The following KTN1 variants were observed in gnomAD, a reference collection of about 807,000 sequenced individuals.
KTN1 encodes kinectin.
In KTN1, 130 loss-of-function variants were observed where a neutral mutation model predicts 222.5. That is an observed-to-expected ratio of 0.58 (90% CI 0.51 to 0.68). The LOEUF is 0.68. Among genes scored for constraint, KTN1 ranks in the 30% least tolerant of loss-of-function variants. KTN1 has a pLI of 0.00. For synonymous variants in KTN1, 512 were observed against 496.3 expected (o/e 1.03, Z -0.42); for missense variants, 1,508 against 1,500.4 (o/e 1.01, Z -0.08).
In KTN1 at chr14:55,671,619, A is replaced by G; in HGVS notation, c.3402A>G (p.Leu1134=). Residue 1134 remains leucine (L), a synonymous_variant, in exon 36 of 44, where the codon CTA becomes CTG. Transcript: ENST00000395314. ...EADEMHTLLQ[L]ECEKYKSVLA... is the part of the protein sequence containing the mutation. Reference sequence around the variant, plus strand: ...ATGAAATGCACACATTGTTACAGCTAGAGTGTGAAAAATACAAATCCGTCC... The same window carrying G: ...ATGAAATGCACACATTGTTACAGCTGGAGTGTGAAAAATACAAATCCGTCC... The G allele has an allele frequency of 6.2e-7, 1 of 1,613,106 alleles. No homozygotes were observed. The highest frequency in any genetic ancestry group is 8.5e-7 in the Non-Finnish European group (1 of 1,179,524).
rs776448474 is a variant in KTN1, at chr14:55,641,211, G to A, written c.2103+3G>A. 2 of 1,557,676 alleles carry A rather than the reference G, an allele frequency of 1.3e-6. No individual in the cohort carries two copies. The highest frequency in any genetic ancestry group is 1.9e-5 in the Admixed American group (1 of 53,372). ...CAAACAAAATGGAAGAATTTAAGGT[G>A]TGTGATTAAGCTTGTACACTCAGGT... On this transcript the variant is annotated splice_donor_region_variant and intron_variant, in intron 17 of 43. Coordinates refer to ENST00000395314, the MANE Select transcript of KTN1 (RefSeq NM_001079521.2).
At chr14:55,598,211 G>C (rs961522876) in intron 1 of KTN1, among the ~76,000 whole-genome samples, 1 of 152,158 alleles carries the variant, frequency 6.6e-6, no homozygotes, top group Non-Finnish European at 1.5e-5. Flanking sequence ...CGAAGCGGGC[G>C]GATCACGAGG....
chr14:55,617,135 T>G lies in KTN1; in HGVS notation c.661+481T>G, dbSNP rs183956131. ...TTGTTCACAGTTTTCCAGGGAAAGC[T>G]TGGCTGTGAAATTTGTGAAGACTAA... On this transcript the variant is annotated intron_variant, in intron 3 of 43. Transcript: ENST00000395314. 3.0e-3 allele frequency among the ~76,000 whole-genome samples: 462 copies of G among 152,320 alleles called. 2 individuals are homozygous for G. Among genetic ancestry groups the G allele is most frequent in the Middle Eastern group, 0.017 (5 of 292 alleles).
intron 38 of KTN1, 24 bp downstream of exon 38, chr14:55,672,725 T>C (rs2045556524): frequency 6.9e-7 from 1 of 1,458,750 alleles, no homozygotes; most frequent in Non-Finnish European, 9.6e-7. Context: ...TTGTTTTACT[T>C]GTAACCTATG....
chr14:55,672,817 G>A (rs1566848179), intron 38 of KTN1, 112 bp from the exon 39 acceptor site: 1 of 1,048,226 alleles, frequency 9.5e-7, no homozygotes, highest in Non-Finnish European at 1.5e-6. Context: ...ATCTTGGGTA[G>A]TGTTTGAGTT....
chr14:55,593,446 C>CAA (rs1555357161), intron 1 of KTN1, among the ~76,000 whole-genome samples: 46 of 120,554 alleles, frequency 3.8e-4, no homozygotes, highest in African/African-American at 5.1e-4. Flanking sequence ...ACCCCCCCCC[C>CAA]AAAAAAAAAA....
At chr14:55,640,800 A>G (rs749811670) in intron 15 of KTN1, 133 bp from the exon 16 acceptor site, 8 of 704,828 alleles carry the variant, frequency 1.1e-5, no homozygotes, top group Non-Finnish European at 1.9e-5. Flanking sequence ...AAAACATGTT[A>G]CAGAAATATA....
chr14:55,627,566 A>G (rs1016565111), intron 5 of KTN1, among the ~76,000 whole-genome samples: 17 of 152,100 alleles, frequency 1.1e-4, no homozygotes, highest in African/African-American at 3.9e-4. Flanking sequence ...TCAACCTGTC[A>G]TCTACATTAG....
intron 43 of KTN1, chr14:55,680,571 A>G (rs528041921): frequency 5.4e-5 from 30 of 552,110 alleles, no homozygotes; most frequent in African/African-American, 2.7e-4. Flanking sequence ...CCCTTTCAGA[A>G]CCCCTGATAA....
Position 55,582,435 on chromosome 14 carries a change from C to G in KTN1, c.-31+2081C>G, listed in dbSNP as rs141533776. Among the ~76,000 whole-genome samples the G allele has an allele frequency of 2.5e-3, 376 of 152,194 alleles. 3 individuals are homozygous for G. Among genetic ancestry groups the G allele is most frequent in the African/African-American group, 8.8e-3 (364 of 41,534 alleles). ...AGACGTGAAAACCTTTTTGAGACTT[C>G]TAAAGAACCCATATTAAGATTGTCA... On this transcript the variant is annotated intron_variant, in intron 1 of 43. Coordinates refer to ENST00000395314, the MANE Select transcript of KTN1 (RefSeq NM_001079521.2).
intron 32 of KTN1, among the ~76,000 whole-genome samples, chr14:55,662,165 C>T (rs1356560793): frequency 6.6e-6 from 1 of 150,628 alleles, no homozygotes; most frequent in African/African-American, 2.5e-5. Context: ...CTCCTGGGTT[C>T]AGGCGATTCT....
At chr14:55,627,350 C>G (rs183370260) in intron 5 of KTN1, among the ~76,000 whole-genome samples, 2 of 152,026 alleles carry the variant, frequency 1.3e-5, no homozygotes, top group African/African-American at 4.8e-5. Context: ...AGTTATTTTA[C>G]TTTTTATGTA....
intron 1 of KTN1, 46 bp from the exon 2 acceptor site, chr14:55,611,973 G>C: frequency 4.5e-6 from 4 of 891,694 alleles, no homozygotes; most frequent in Non-Finnish European, 4.8e-6. Flanking sequence ...TTATGAGACT[G>C]ACAGGTTCTT....
chr14:55,618,167 T>C, intron 4 of KTN1, 33 bp downstream of exon 4: 2 of 1,503,994 alleles, frequency 1.3e-6, no homozygotes, highest in Non-Finnish European at 1.8e-6. Flanking sequence ...TTTGTTGTAC[T>C]ATAAAAACAC....
At chr14:55,657,010 C>G (rs142555932) in intron 29 of KTN1, among the ~76,000 whole-genome samples, 172 of 152,294 alleles carry the variant, frequency 1.1e-3, no homozygotes, top group African/African-American at 4.0e-3. Flanking sequence ...AACTTACTTA[C>G]AGAAGATTGA....
At chr14:55,637,995 G>T (rs2041335925) in intron 12 of KTN1, 148 bp downstream of exon 12, 2 of 578,680 alleles carry the variant, frequency 3.5e-6, no homozygotes, top group Non-Finnish European at 6.2e-6. Context: ...CTAAACACTT[G>T]CTAATTATGT....
Position 55,672,635 on chromosome 14 carries a change from G to T in KTN1, c.3537G>T (p.Gln1179His). 6.2e-7 allele frequency: 1 copy of T among 1,600,118 alleles called. No homozygotes were observed. Among genetic ancestry groups the T allele is most frequent in the Non-Finnish European group, 8.6e-7 (1 of 1,167,884 alleles). Reference sequence around the variant, plus strand: ...GTAATTGTTTCACATTTCAGATGCAGTCATCATTTACATCTTCAGAACAAG... The same window carrying T: ...GTAATTGTTTCACATTTCAGATGCATTCATCATTTACATCTTCAGAACAAG... ...DESHKTIKQMQSSFTSSEQEL... is the reference protein window; with the variant it reads ...DESHKTIKQMHSSFTSSEQEL... Residue 1179 changes from glutamine (Q) to histidine (H), a missense_variant, in exon 38 of 44, where the codon CAG becomes CAT. Transcript: ENST00000395314.
At chr14:55,678,668 A>G (rs750144852) in intron 42 of KTN1, 15 of 458,982 alleles carry the variant, frequency 3.3e-5, no homozygotes, top group Non-Finnish European at 5.2e-5. Flanking sequence ...CAATTCCTGG[A>G]CTGTGGACAG....
intron 37 of KTN1, chr14:55,672,220 C>G (rs1199953868): frequency 4.3e-6 from 1 of 234,312 alleles, no homozygotes; most frequent in East Asian, 9.9e-5. Context: ...AGTCATTCTT[C>G]TATTCCTGGG....
Sources: gnomAD v4.1 joint callset for allele counts (sites outside exome capture counted in the v4.1 genomes callset) on GRCh38, gnomAD v4.1.1 for gene constraint, MANE v1.5 for transcripts, NCBI Gene and HGNC (gene_info 2026-07-23, HGNC 2026-07-21) for gene names.